Variants in EFTUD2 observed in about 807,000 individuals in gnomAD.
The protein encoded by EFTUD2 is elongation factor Tu GTP binding domain containing 2, also known as 116 kDa U5 small nuclear ribonucleoprotein component.
Under a neutral mutation model 114.3 loss-of-function variants are expected in EFTUD2, and 9 were observed. The ratio of observed to expected loss-of-function variants is 0.08; its 90% CI spans 0.05 to 0.14. EFTUD2 has a LOEUF of 0.14. Ranked by LOEUF, EFTUD2 falls within the 10% of genes least tolerant of loss-of-function variation. The pLI is 1.00. For synonymous variants in EFTUD2, 449 were observed against 462.3 expected, an observed-to-expected ratio of 0.97 and a Z score of 0.37; for missense variants, 765 against 1,241.2, an observed-to-expected ratio of 0.62 and a Z score of 5.76.
intron 11 of EFTUD2, among the ~76,000 whole-genome samples, chr17:44,871,206 G>A (rs1301475657): frequency 6.6e-6 from 1 of 151,754 alleles, no homozygotes; most frequent in East Asian, 2.0e-4. Context: ...GTATTTTTTT[G>A]TAGAGATGGG....
At chr17:44,872,315 G>A (rs1158071572) in intron 11 of EFTUD2, 131 bp downstream of exon 11, 1 of 1,225,888 alleles carries the variant, frequency 8.2e-7, no homozygotes. Flanking sequence ...ACCCCCAAAT[G>A]TGATAATAAC....
At chr17:44,884,720 G>A (rs2051134484) in intron 4 of EFTUD2, among the ~76,000 whole-genome samples, 1 of 151,604 alleles carries the variant, frequency 6.6e-6, no homozygotes. Flanking sequence ...TAGTGAAACA[G>A]TACAAAAAAC....
chr17:44,864,774 G>C (rs770321642), intron 14 of EFTUD2, among the ~76,000 whole-genome samples, 156 bp downstream of exon 14: 1 of 152,186 alleles, frequency 6.6e-6, no homozygotes, highest in Non-Finnish European at 1.5e-5. Context: ...AAGGAAAGCA[G>C]CTAGGAAAAA....
chr17:44,898,776 G>A (rs555713211), intron 1 of EFTUD2, among the ~76,000 whole-genome samples: 2 of 152,274 alleles, frequency 1.3e-5, no homozygotes, highest in African/African-American at 4.8e-5. Context: ...TTTATCACTA[G>A]CTGACTTGTA....
At chr17:44,875,232 T>A (rs536990795) in intron 10 of EFTUD2, among the ~76,000 whole-genome samples, 28 of 151,668 alleles carry the variant, frequency 1.8e-4, no homozygotes, top group African/African-American at 5.8e-4. Flanking sequence ...AAATAAAAAT[T>A]AAAATTAAAA....
At chr17:44,876,434 T>C (rs1189430191) in intron 9 of EFTUD2, among the ~76,000 whole-genome samples, 1 of 152,184 alleles carries the variant, frequency 6.6e-6, no homozygotes, top group African/African-American at 2.4e-5. Flanking sequence ...TGATTTTTAA[T>C]ATATGTGTGT....
intron 5 of EFTUD2, 185 bp downstream of exon 5, chr17:44,883,464 G>A (rs967101395): frequency 1.6e-6 from 1 of 641,432 alleles, no homozygotes; most frequent in Non-Finnish European, 2.7e-6. Flanking sequence ...TTAGGAACAG[G>A]CTCCACCTGC....
intron 9 of EFTUD2, 106 bp downstream of exon 9, chr17:44,879,450 G>C: frequency 1.8e-6 from 2 of 1,133,564 alleles, no homozygotes; most frequent in Non-Finnish European, 2.6e-6. Context: ...ATCCCAGAGA[G>C]TTTCAAGTTC....
rs1451516304 is a variant in EFTUD2, at chr17:44,867,871, G to A, written c.1085C>T (p.Thr362Ile). The A allele has an allele frequency of 6.2e-7, 1 of 1,603,914 alleles. No individual in the cohort carries two copies. The highest frequency in any genetic ancestry group is 8.5e-7 in the Non-Finnish European group (1 of 1,175,064). ...CACGAAACTTCTCTGGGAGCTGCTAGTTGGGGCCTTTTTGGTGAACTTTCG... is the reference window on the plus strand; with the variant it reads ...CACGAAACTTCTCTGGGAGCTGCTAATTGGGGCCTTTTTGGTGAACTTTCG... ...KTRKFTKKAPTSSSQRSFVEF... is the reference protein window; with the variant it reads ...KTRKFTKKAPISSSQRSFVEF... Residue 362 changes from threonine (T) to isoleucine (I), a missense_variant, in exon 13 of 28, where the codon ACT becomes ATT. Transcript: ENST00000426333.
At position 44,863,697 on chromosome 17, in the gene EFTUD2, C is replaced by T. The variant is rs969385826; in HGVS notation, c.1371G>A (p.Val457=). Residue 457 remains valine, a synonymous_variant, in exon 15 of 28, where the codon GTG becomes GTA. Transcript: ENST00000426333. ...PKIEHTYTGG[V]DSDLGEAMSD... ...TCATAGCCTCGCCGAGGTCGGAGTCCACACCACCGGTGTAGGTGTGCTCAA... is the reference window on the plus strand; with the variant it reads ...TCATAGCCTCGCCGAGGTCGGAGTCTACACCACCGGTGTAGGTGTGCTCAA... 6.2e-7 allele frequency: 1 copy of T among 1,614,174 alleles called. No individual in the cohort carries two copies. The highest frequency in any genetic ancestry group is 2.2e-5 in the East Asian group (1 of 44,880).
intron 23 of EFTUD2, chr17:44,853,952 T>C (rs2050501623): frequency 7.4e-7 from 1 of 1,357,028 alleles, no homozygotes. Flanking sequence ...ATTTGGTCCA[T>C]GAAGCCCAAT....
At chr17:44,891,765 T>C (rs947423486) in intron 2 of EFTUD2, 5 of 152,168 alleles carry the variant, frequency 3.3e-5, no homozygotes, top group Non-Finnish European at 5.9e-5. Context: ...ATTCACAGAA[T>C]TGTGCAACCA....
At chr17:44,853,209 C>T in intron 25 of EFTUD2, 87 bp downstream of exon 25, 1 of 1,410,050 alleles carries the variant, frequency 7.1e-7, no homozygotes, top group Non-Finnish European at 9.8e-7. Context: ...GTAGAGAAGG[C>T]CAACCTCTCT....
rs1018060775 is a variant in EFTUD2, at chr17:44,854,516, G to T, written c.2259+40C>A. 10 of 1,599,960 alleles carry T rather than the reference G, an allele frequency of 6.3e-6. No individual in the cohort carries two copies. The South Asian group carries it at 8.9e-5, about 14-fold the overall frequency. ...CTTTGTAGTTTCTTCCACTCCAGAG[G>T]TAAGAGACCGCCACCCAGTTCCCAT... On this transcript the variant is annotated intron_variant, in intron 22 of 27. Transcript: ENST00000426333. This position sits in a 1 kb window ranked among gnomAD's most constrained non-coding sequence, Gnocchi z 4.3.
At position 44,852,460 on chromosome 17, in the gene EFTUD2, C is replaced by A. The variant is rs376156789; in HGVS notation, c.2664G>T (p.Arg888=). The change falls in exon 26 of 28, where the codon CGG becomes CGT. Residue 888 remains arginine (R), a synonymous_variant. Transcript: ENST00000426333. ...AAAAGGCTTGTCCCTGGGTGTGAGT[C>A]CGGAGATCAGTCTCAAAGCCAAAAG... ...IDSFGFETDL[R]THTQGQAFSL... 6 of 1,613,900 alleles carry A rather than the reference C, an allele frequency of 3.7e-6. No individual in the cohort carries two copies. In the African/African-American group the frequency reaches 8.0e-5, roughly 22 times the overall value.
intron 6 of EFTUD2, 48 bp downstream of exon 6, chr17:44,883,045 T>A (rs2051101163): frequency 1.3e-6 from 2 of 1,581,730 alleles, no homozygotes; most frequent in Admixed American, 1.7e-5. Context: ...GACATCTCTA[T>A]CTGTTCTGAA....
At chr17:44,884,758 G>A (rs1334728592) in intron 4 of EFTUD2, among the ~76,000 whole-genome samples, 3 of 151,944 alleles carry the variant, frequency 2.0e-5, no homozygotes, top group African/African-American at 7.3e-5. Flanking sequence ...GTGGTGGTGT[G>A]TTCCTGTAGT....
At chr17:44,880,677 C>G in intron 7 of EFTUD2, 33 bp from the exon 8 acceptor site, 2 of 1,564,814 alleles carry the variant, frequency 1.3e-6, no homozygotes, top group African/African-American at 1.3e-5. Context: ...AAGACCTCTT[C>G]CTATGCAAGA....
rs2050685261 is a variant in EFTUD2, at chr17:44,863,011, TAG to T, written c.1414-107_1414-106del. On this transcript the variant is annotated intron_variant, in intron 15 of 27. Coordinates refer to ENST00000426333, the MANE Select transcript of EFTUD2 (RefSeq NM_004247.4). ...CAAGGACATGAGCTCTATGAGGAGC[TAG>T]AGAAAGATGAGGTAGTCTCATCTCC... 12 of 928,344 alleles carry T rather than the reference TAG, an allele frequency of 1.3e-5. No homozygotes were observed. The East Asian group carries it at 3.0e-4, about 23-fold the overall frequency. The allele number at this position is 928,344 out of a possible 1,614,324, so 57.5% of individuals were successfully genotyped here.
Sources: allele counts gnomAD v4.1 joint callset (sites outside exome capture counted in the v4.1 genomes callset), GRCh38; gene constraint gnomAD v4.1.1; non-coding constraint Gnocchi (gnomAD v3.1); transcripts MANE v1.5; gene names NCBI Gene and HGNC (gene_info 2026-07-23, HGNC 2026-07-21).